The following FBXO10 variants were observed in gnomAD, a reference collection of about 807,000 sequenced individuals.
FBXO10 encodes the protein F-box only protein 10.
In FBXO10, 39 loss-of-function variants were observed where a neutral mutation model predicts 80.7. The ratio of observed to expected loss-of-function variants is 0.48; its 90% confidence interval spans 0.37 to 0.63. FBXO10 has a LOEUF of 0.63. Among genes scored for constraint, FBXO10 ranks in the 30% least tolerant of loss-of-function variants. FBXO10 has a pLI of 0.00. For missense variants in FBXO10, 1,025 were observed against 1,269.0 expected (o/e 0.81, Z 2.92); for synonymous variants, 449 against 489.6 (o/e 0.92, Z 1.09).
intron 5 of FBXO10, 123 bp from the exon 6 acceptor site, chr9:37,525,295 G>A (rs1250164226): frequency 1.3e-5 from 12 of 892,626 alleles, no homozygotes; most frequent in Middle Eastern, 3.0e-4. Context: ...TTAGCCGGGT[G>A]TGGTGGTGTG....
At chr9:37,550,238 A>C (rs1359447285) in intron 1 of FBXO10, among the ~76,000 whole-genome samples, 1 of 116,432 alleles carries the variant, frequency 8.6e-6, no homozygotes, top group Non-Finnish European at 1.6e-5. Context: ...GCTGGAGTGT[A>C]GTGGCATGAT....
chr9:37,525,841 A>T (rs934939022), intron 5 of FBXO10, among the ~76,000 whole-genome samples: 2 of 151,972 alleles, frequency 1.3e-5, no homozygotes, highest in Non-Finnish European at 2.9e-5. Context: ...GCCTGGCCTT[A>T]TATGTATTTT....
intron 6 of FBXO10, among the ~76,000 whole-genome samples, chr9:37,523,300 A>G (rs902693877): frequency 6.6e-6 from 1 of 152,194 alleles, no homozygotes; most frequent in African/African-American, 2.4e-5. Context: ...CTGTAATCCC[A>G]GTACTTTAGG....
chr9:37,512,760 G>A, intron 10 of FBXO10, 39 bp from the exon 11 acceptor site: 3 of 1,594,998 alleles, frequency 1.9e-6, no homozygotes, highest in Non-Finnish European at 2.6e-6. Flanking sequence ...CTTCTGAGGG[G>A]TGTGCAGTGC....
At chr9:37,564,121 G>A (rs1401517665) in intron 1 of FBXO10, among the ~76,000 whole-genome samples, 2 of 152,252 alleles carry the variant, frequency 1.3e-5, no homozygotes, top group Non-Finnish European at 2.9e-5. Flanking sequence ...TGGCTAAAAG[G>A]GGCCAAGGTA....
At chr9:37,573,129 G>A (rs1822802138) in intron 1 of FBXO10, among the ~76,000 whole-genome samples, 1 of 152,194 alleles carries the variant, frequency 6.6e-6, no homozygotes, top group Admixed American at 6.5e-5. Flanking sequence ...GAACCCTGGA[G>A]AGTATGTGGA....
At chr9:37,553,751 C>CA (rs34248221) in intron 1 of FBXO10, among the ~76,000 whole-genome samples, 4,462 of 139,788 alleles carry the variant, frequency 0.032, 236 homozygotes, top group African/African-American at 0.11. Context: ...ACTAAAAATA[C>CA]AAAAAAAAAA....
chr9:37,542,625 G>T (rs564195513), intron 1 of FBXO10, among the ~76,000 whole-genome samples: 1 of 149,622 alleles, frequency 6.7e-6, no homozygotes, highest in Non-Finnish European at 1.5e-5. Context: ...ATACGACTCC[G>T]GAACTGCCAG....
At chr9:37,544,991 C>CAAAAAA (rs59952580) in intron 1 of FBXO10, among the ~76,000 whole-genome samples, 4 of 69,452 alleles carry the variant, frequency 5.8e-5, no homozygotes, top group African/African-American at 2.4e-4. Flanking sequence ...GAGACTCTCT[C>CAAAAAA]AAAAAAAAAA....
Position 37,511,174 on chromosome 9 carries a change from AAGTGCACGAC to A in FBXO10, c.*1363_*1372del, listed in dbSNP as rs1243464441. 5 of 144,538 alleles carry A rather than the reference AAGTGCACGAC, an allele frequency of 3.5e-5. No individual in the cohort carries two copies. Among genetic ancestry groups the A allele is most frequent in the African/African-American group, 1.3e-4 (5 of 39,990 alleles). The allele number at this position is 144,538 out of a possible 1,614,324, so 9.0% of individuals were successfully genotyped here. A position where few individuals can be genotyped will look rare whatever the true frequency, so the allele number is the denominator to read the frequency against. On this transcript the variant is annotated 3_prime_UTR_variant, in exon 11 of 11. Coordinates refer to ENST00000432825, the MANE Select transcript of FBXO10 (RefSeq NM_012166.3). ...GGCCAATAGAACCAGCCACGCAGCC[AAGTGCACGAC>A]AGTGACCCCAGCAGGCTGGTGAAGG...
intron 1 of FBXO10, among the ~76,000 whole-genome samples, chr9:37,560,704 T>G (rs1268811778): frequency 3.3e-5 from 5 of 152,048 alleles, no homozygotes; most frequent in Non-Finnish European, 7.4e-5. Context: ...GCATGTGGAA[T>G]TAAAAGTAAC....
intron 1 of FBXO10, among the ~76,000 whole-genome samples, chr9:37,545,984 T>TA (rs1409508017): frequency 1.3e-5 from 2 of 151,962 alleles, no homozygotes; most frequent in Non-Finnish European, 2.9e-5. Flanking sequence ...CCATCTCTGC[T>TA]AAAAATACAA....
At chr9:37,567,448 C>T (rs1172214861) in intron 1 of FBXO10, among the ~76,000 whole-genome samples, 1 of 151,326 alleles carries the variant, frequency 6.6e-6, no homozygotes, top group Non-Finnish European at 1.5e-5. Context: ...CCCAGCCTTA[C>T]ATATCGTCTT....
chr9:37,557,372 G>A (rs1165430768), intron 1 of FBXO10, among the ~76,000 whole-genome samples: 7 of 152,138 alleles, frequency 4.6e-5, no homozygotes, highest in Non-Finnish European at 1.0e-4. Context: ...GGCCTTGGAT[G>A]GCTCTGCCTC....
At chr9:37,539,702 A>T (rs1411291935) in intron 2 of FBXO10, among the ~76,000 whole-genome samples, 2 of 152,252 alleles carry the variant, frequency 1.3e-5, no homozygotes, top group African/African-American at 4.8e-5. Context: ...GGGCTAAAAC[A>T]CAAGCTTTTA....
At chr9:37,529,308 C>T (rs1383054762) in intron 4 of FBXO10, 48 bp from the exon 5 acceptor site, 10 of 1,569,428 alleles carry the variant, frequency 6.4e-6, no homozygotes, top group East Asian at 2.4e-5. Flanking sequence ...GACACGTCAG[C>T]GAAGCAGAGT....
chr9:37,554,464 T>C (rs1822285599), intron 1 of FBXO10, among the ~76,000 whole-genome samples: 1 of 152,180 alleles, frequency 6.6e-6, no homozygotes, highest in Non-Finnish European at 1.5e-5. Flanking sequence ...CAGTAGTGTG[T>C]ATTTGCAGAA....
Position 37,540,989 on chromosome 9 carries a change from C to T in FBXO10, c.585+195G>A, listed in dbSNP as rs189488959. Among the ~76,000 whole-genome samples, 6 of 152,260 alleles carry T rather than the reference C, an allele frequency of 3.9e-5. No homozygotes were observed. The East Asian group carries it at 9.6e-4, about 24-fold the overall frequency. The stretch of plus-strand genomic sequence containing the variant: ...AAGCCATTTTTAAATACTGCTTTAC[C>T]AAGAATAAAGCAGAATTCTGAACTC... On this transcript the variant is annotated intron_variant, in intron 2 of 10. Transcript: ENST00000432825.
intron 1 of FBXO10, among the ~76,000 whole-genome samples, chr9:37,544,805 T>G (rs1373608843): frequency 1.3e-5 from 2 of 151,726 alleles, no homozygotes; most frequent in Admixed American, 1.3e-4. Context: ...CCATCCTGGC[T>G]AACATGGTGA....
Sources: gnomAD v4.1 joint callset for allele counts (sites outside exome capture counted in the v4.1 genomes callset) on GRCh38, gnomAD v4.1.1 for gene constraint, MANE v1.5 for transcripts, NCBI Gene and HGNC (gene_info 2026-07-23, HGNC 2026-07-21) for gene names.